The following FRMPD4 variants were observed in gnomAD, a reference collection of about 807,000 sequenced individuals.
FRMPD4 encodes the protein FERM and PDZ domain containing 4, also known as FERM and PDZ domain-containing protein 4.
In FRMPD4, 22 loss-of-function variants were observed where a neutral mutation model predicts 94.1. The observed-to-expected ratio is 0.23, with a 90% CI of 0.17 to 0.33. FRMPD4 has a LOEUF of 0.33. Among genes scored for constraint, FRMPD4 ranks in the 10% least tolerant of loss-of-function variants. The pLI, the probability that FRMPD4 is intolerant of heterozygous loss-of-function variation, is 1.00. For synonymous variants in FRMPD4, 631 were observed against 548.6 expected, an observed-to-expected ratio of 1.15 and a Z score of -2.10; for missense variants, 1,111 against 1,339.9, an observed-to-expected ratio of 0.83 and a Z score of 2.67.
chrX:12,580,363 A>G (rs1372353313), intron 2 of FRMPD4, among the ~76,000 whole-genome samples: 1 of 111,963 alleles, frequency 8.9e-6, no homozygotes, highest in South Asian at 3.8e-4. Flanking sequence ...TCTGTACAGT[A>G]GTCTCCCCTT....
chrX:12,557,458 A>T (rs757225140), intron 2 of FRMPD4, among the ~76,000 whole-genome samples: 18 of 112,403 alleles, frequency 1.6e-4, no homozygotes, highest in Non-Finnish European at 3.4e-4. Flanking sequence ...AATCTCCCCA[A>T]CAAAAGACAG....
At chrX:12,295,290 C>T (rs1231967698) in intron 1 of FRMPD4, among the ~76,000 whole-genome samples, 2 of 111,926 alleles carry the variant, frequency 1.8e-5, no homozygotes, top group Non-Finnish European at 3.8e-5. Flanking sequence ...TTAGTAATAT[C>T]AGCTGACTGT....
chrX:12,164,716 C>T (rs1302721478), intron 1 of FRMPD4, among the ~76,000 whole-genome samples: 1 of 112,146 alleles, frequency 8.9e-6, no homozygotes, highest in Admixed American at 9.4e-5. Context: ...CCTGTTGTTT[C>T]CTGACTTTTC....
chrX:12,529,396 G>A (rs775702295), intron 2 of FRMPD4, among the ~76,000 whole-genome samples: 7 of 112,670 alleles, frequency 6.2e-5, no homozygotes, highest in Non-Finnish European at 1.1e-4. Flanking sequence ...TCATAGAAGT[G>A]ATATCTCCCC....
At chrX:12,241,211 C>A (rs2057125721) in intron 1 of FRMPD4, among the ~76,000 whole-genome samples, 1 of 112,021 alleles carries the variant, frequency 8.9e-6, no homozygotes. Flanking sequence ...TCATTACATT[C>A]CAAAGATTTA....
At chrX:12,602,533 A>G (rs1469092248) in intron 2 of FRMPD4, among the ~76,000 whole-genome samples, 1 of 112,045 alleles carries the variant, frequency 8.9e-6, no homozygotes. Flanking sequence ...GTTGGTGGAG[A>G]AAATCCTTTT....
At chrX:12,346,614 C>G (rs992385604) in intron 1 of FRMPD4, among the ~76,000 whole-genome samples, 1 of 111,491 alleles carries the variant, frequency 9.0e-6, no homozygotes, top group Non-Finnish European at 1.9e-5. Flanking sequence ...TACGCCACTG[C>G]TTTTAGCACC....
intron 1 of FRMPD4, among the ~76,000 whole-genome samples, chrX:12,454,789 CA>C (rs1324774561): frequency 9.8e-6 from 1 of 102,054 alleles, no homozygotes; most frequent in Non-Finnish European, 2.0e-5. Context: ...TAAAAGAAAG[CA>C]TGAGGTTTGG....
chrX:12,162,551 C>G (rs191427423), intron 1 of FRMPD4, among the ~76,000 whole-genome samples: 1 of 111,953 alleles, frequency 8.9e-6, no homozygotes, highest in Admixed American at 9.5e-5. Context: ...TAACTTGCTT[C>G]CTGTTTATCA....
chrX:12,087,374 G>A (rs927067389), intron 3 of FRMPD4, among the ~76,000 whole-genome samples: 8 of 111,804 alleles, frequency 7.2e-5, no homozygotes, highest in Non-Finnish European at 9.4e-5. Context: ...CTTCCTGCTC[G>A]CCAGCCTGTA....
intron 3 of FRMPD4, among the ~76,000 whole-genome samples, chrX:11,896,228 CAT>C (rs1381469150): frequency 1.8e-5 from 2 of 112,305 alleles, no homozygotes; most frequent in Non-Finnish European, 3.8e-5. Context: ...AACTCAACCA[CAT>C]GACTCGTTTT....
At chrX:12,382,904 C>T (rs1273976297) in intron 1 of FRMPD4, among the ~76,000 whole-genome samples, 1 of 112,333 alleles carries the variant, frequency 8.9e-6, no homozygotes, top group African/African-American at 3.2e-5. Flanking sequence ...GAGCCCAAAA[C>T]AGGGCTGTAA....
At chrX:11,970,725 G>A (rs1315047205) in intron 3 of FRMPD4, among the ~76,000 whole-genome samples, 3 of 111,695 alleles carry the variant, frequency 2.7e-5, no homozygotes, top group Admixed American at 9.5e-5. Flanking sequence ...AAAAGTTTTC[G>A]TGATTGCTTA....
rs749269384 is a variant in FRMPD4, at chrX:12,560,742, C to CTTTTTTTTTT, written c.159-48943_159-48934dup. 1.6e-4 allele frequency among the ~76,000 whole-genome samples: 7 copies of CTTTTTTTTTT among 43,445 alleles called. 1 individual carries two copies. Among genetic ancestry groups the CTTTTTTTTTT allele is most frequent in the East Asian group, 1.1e-3 (1 of 918 alleles). The allele number at this position is 43,445 out of a possible 115,157, so 37.7% of individuals were successfully genotyped here. Reference sequence around the variant, plus strand: ...CCCTAGTGTATGCACCTCCCCTCATCTTTTTTTTTTTTTTTTTTTTTTTTT... The same window carrying CTTTTTTTTTT: ...CCCTAGTGTATGCACCTCCCCTCATCTTTTTTTTTTTTTTTTTTTTTTTTTTTTTTTTTTT... On this transcript the variant is annotated intron_variant, in intron 2 of 16. Coordinates refer to ENST00000675598, the MANE Select transcript of FRMPD4 (RefSeq NM_001368397.1).
intron 4 of FRMPD4, among the ~76,000 whole-genome samples, chrX:12,615,139 C>T (rs1382918955): frequency 1.8e-5 from 2 of 112,379 alleles, no homozygotes; most frequent in African/African-American, 6.5e-5. Flanking sequence ...TTTTATGACT[C>T]CTATATCCAA....
rs2056524480 is a variant in FRMPD4, at chrX:12,193,777, AGG to A, written c.41+54766_41+54767del. Among the ~76,000 whole-genome samples, 4 of 20,356 alleles carry A rather than the reference AGG, an allele frequency of 2.0e-4. 1 individual carries two copies. Among genetic ancestry groups the A allele is most frequent in the Non-Finnish European group, 3.0e-4 (4 of 13,492 alleles). 17.7% of individuals were successfully genotyped at this position (20,356 alleles called of 115,157 possible). On this transcript the variant is annotated intron_variant, in intron 1 of 16. Transcript: ENST00000675598. ...CAGAAAGAAAGAAAGAAAGAAAGGA[AGG>A]AAGGAAGGAAGGAAGGAAGGAAGGA...
intron 1 of FRMPD4, among the ~76,000 whole-genome samples, chrX:12,490,003 A>G: frequency 9.0e-6 from 1 of 111,544 alleles, no homozygotes. Context: ...AAGGACTGAT[A>G]CAAGAGTCCT....
intron 1 of FRMPD4, among the ~76,000 whole-genome samples, chrX:11,841,229 C>A (rs1425703696): frequency 3.7e-5 from 4 of 109,261 alleles, no homozygotes; most frequent in Non-Finnish European, 7.6e-5. Context: ...GTCTTTATAG[C>A]AGCATGATTT....
At chrX:12,436,659 C>G (rs2057070653) in intron 1 of FRMPD4, among the ~76,000 whole-genome samples, 1 of 111,163 alleles carries the variant, frequency 9.0e-6, no homozygotes, top group Non-Finnish European at 1.9e-5. Flanking sequence ...TCTTCTTTAA[C>G]CAAGAATTAT....
Sources: gnomAD v4.1 joint callset for allele counts (sites outside exome capture counted in the v4.1 genomes callset) on GRCh38, gnomAD v4.1.1 for gene constraint, MANE v1.5 for transcripts, NCBI Gene and HGNC (gene_info 2026-07-23, HGNC 2026-07-21) for gene names.